PIGR: variants seen among roughly 807,000 people sequenced by gnomAD.
PIGR encodes hepatocellular carcinoma associated protein TB6.
In PIGR, 22 loss-of-function variants were observed where a neutral mutation model predicts 69.5. The observed-to-expected ratio is 0.32, with a 90% CI of 0.23 to 0.45. PIGR has a LOEUF of 0.45. PIGR is among the 20% of genes least tolerant of loss of function. The pLI is 1.00. For synonymous variants in PIGR, 413 were observed against 407.6 expected (o/e 1.01, Z -0.16); for missense variants, 885 against 974.0 (o/e 0.91, Z 1.22).
chr1:206,934,854 T>G (rs1657228659), intron 5 of PIGR, 108 bp from the exon 6 acceptor site: 1 of 628,962 alleles, frequency 1.6e-6, no homozygotes, highest in Admixed American at 3.6e-5. Context: ...TACATATATA[T>G]ATATATTTTT....
intron 4 of PIGR, 147 bp downstream of exon 4, chr1:206,936,948 C>T (rs1287303907): frequency 1.2e-5 from 9 of 742,472 alleles, no homozygotes; most frequent in East Asian, 8.6e-5. Context: ...GTGCAGCAGC[C>T]CACGCAGCCT....
chr1:206,930,662 G>A lies in PIGR; in HGVS notation c.2200-249C>T, dbSNP rs1679721498. On this transcript the variant is annotated intron_variant, in intron 10 of 10. Transcript: ENST00000356495. This position sits in a 1 kb window ranked among gnomAD's most constrained non-coding sequence, Gnocchi z 4.3. Reference sequence around the variant, plus strand: ...TCCTTCTGACACACGGAGTGGAACCGCCTCTGTTGCCCGGGCCTGTCCCCG... The same window carrying A: ...TCCTTCTGACACACGGAGTGGAACCACCTCTGTTGCCCGGGCCTGTCCCCG... 3.0e-6 allele frequency: 3 copies of A among 985,348 alleles called. No individual in the cohort carries two copies. The highest frequency in any genetic ancestry group is 1.1e-4 in the East Asian group (1 of 8,814). The allele number at this position is 985,348 out of a possible 1,614,324, so 61.0% of individuals were successfully genotyped here. A position where few individuals can be genotyped will look rare whatever the true frequency, so the allele number is the denominator to read the frequency against.
Position 206,930,983 on chromosome 1 carries a change from G to T in PIGR, c.2199+514C>A, listed in dbSNP as rs1350036249. On this transcript the variant is annotated intron_variant, in intron 10 of 10. Coordinates refer to ENST00000356495, the MANE Select transcript of PIGR (RefSeq NM_002644.4). This position sits in a 1 kb window ranked among gnomAD's most constrained non-coding sequence, Gnocchi z 4.3. Reference sequence around the variant, plus strand: ...AGTCCTAGGGCAGATTGAGGGGATGGTATATGGCACCCAAGGCAGGAGTTG... The same window carrying T: ...AGTCCTAGGGCAGATTGAGGGGATGTTATATGGCACCCAAGGCAGGAGTTG... 4 of 985,318 alleles carry T rather than the reference G, an allele frequency of 4.1e-6. No homozygotes were observed. The highest frequency in any genetic ancestry group is 1.7e-5 in the African/African-American group (1 of 57,232). The allele number at this position is 985,318 out of a possible 1,614,324, so 61.0% of individuals were successfully genotyped here. A position where few individuals can be genotyped will look rare whatever the true frequency, so the allele number is the denominator to read the frequency against.
chr1:206,936,090 A>G (rs1422398211), intron 4 of PIGR, among the ~76,000 whole-genome samples: 1 of 152,200 alleles, frequency 6.6e-6, no homozygotes, highest in East Asian at 1.9e-4. Context: ...AGAGAATGGA[A>G]GGAGTTGAAG....
At chr1:206,944,127 G>A (rs1049273092) in intron 1 of PIGR, among the ~76,000 whole-genome samples, 15 of 152,224 alleles carry the variant, frequency 9.9e-5, no homozygotes, top group African/African-American at 3.4e-4. Context: ...AGCGAACTGA[G>A]AATTTGTTCA....
chr1:206,939,078 TCTAA>T, intron 3 of PIGR, 37 bp downstream of exon 3: 1 of 1,533,126 alleles, frequency 6.5e-7, no homozygotes, highest in South Asian at 1.2e-5. Flanking sequence ...GAGAATTCCC[TCTAA>T]CTTTCCCCCA....
intron 1 of PIGR, among the ~76,000 whole-genome samples, chr1:206,944,198 G>C (rs2102605145): frequency 6.6e-6 from 1 of 152,364 alleles, no homozygotes; most frequent in Admixed American, 6.5e-5. Context: ...CCTGGGGCCG[G>C]GCGTAGTGGC....
Position 206,937,483 on chromosome 1 carries a change from G to C in PIGR, c.657C>G (p.Leu219=). 3 of 1,614,224 alleles carry C rather than the reference G, an allele frequency of 1.9e-6. No individual in the cohort carries two copies. The highest frequency in any genetic ancestry group is 2.5e-6 in the Non-Finnish European group (3 of 1,180,048). ...QLRLSDAGQY[L]CQAGDDSNSN... ...TATTGGAATCATCCCCAGCCTGGCA[G>C]AGATACTGCCCAGCATCGCTGAGCC... The change falls in exon 4 of 11, where the codon CTC becomes CTG. Residue 219 remains leucine (L), a synonymous_variant. Transcript: ENST00000356495.
chr1:206,936,228 A>G (rs1165264215), intron 4 of PIGR, among the ~76,000 whole-genome samples: 1 of 152,200 alleles, frequency 6.6e-6, no homozygotes, highest in East Asian at 1.9e-4. Context: ...TCAAGAAAAT[A>G]TATTTAGGAT....
rs781183714 is a variant in PIGR, at chr1:206,931,530, G to T, written c.2166C>A (p.Thr722=). ...KEEFVATTES[T]TETKEPKKAK... Reference sequence around the variant, plus strand: ...CCTTCTTGGGTTCTTTGGTCTCTGTGGTGCTCTCAGTGGTGGCAACAAACT... The same window carrying T: ...CCTTCTTGGGTTCTTTGGTCTCTGTTGTGCTCTCAGTGGTGGCAACAAACT... The change falls in exon 10 of 11, where the codon ACC becomes ACA. Residue 722 remains threonine (T), a synonymous_variant. Coordinates refer to ENST00000356495, the MANE Select transcript of PIGR (RefSeq NM_002644.4). 8 of 1,614,036 alleles carry T rather than the reference G, an allele frequency of 5.0e-6. No homozygotes were observed. Among genetic ancestry groups the T allele is most frequent in the South Asian group, 1.1e-5 (1 of 91,074 alleles).
chr1:206,942,697 C>A (rs1314287046), intron 1 of PIGR, among the ~76,000 whole-genome samples: 2 of 152,220 alleles, frequency 1.3e-5, no homozygotes, highest in Non-Finnish European at 2.9e-5. Context: ...AAGGTGAAGA[C>A]CACCCTGACC....
chr1:206,939,362 G>A lies in PIGR; in HGVS notation c.145C>T (p.Arg49Trp), dbSNP rs373465414. 9.3e-6 allele frequency: 15 copies of A among 1,614,112 alleles called. No homozygotes were observed. Among genetic ancestry groups the A allele is most frequent in the African/African-American group, 2.7e-5 (2 of 74,932 alleles). ...TCYYPPTSVNRHTRKYWCRQG... is the reference protein window; with the variant it reads ...TCYYPPTSVNWHTRKYWCRQG... The stretch of plus-strand genomic sequence containing the variant: ...CGGCACCAGTACTTCCGGGTGTGCC[G>A]GTTGACAGAGGTGGGTGGGTAGTAG... The change falls in exon 3 of 11, where the codon CGG (arginine) becomes TGG (tryptophan). Residue 49 changes from arginine (R) to tryptophan (W), a missense_variant. Physicochemically the swap from Arg to Trp is moderately radical, Grantham distance 101. Coordinates refer to ENST00000356495, the MANE Select transcript of PIGR (RefSeq NM_002644.4).
At chr1:206,938,964 C>T (rs1679927265) in intron 3 of PIGR, among the ~76,000 whole-genome samples, 155 bp downstream of exon 3, 2 of 152,206 alleles carry the variant, frequency 1.3e-5, no homozygotes, top group African/African-American at 2.4e-5. Context: ...GTCTCCTTCT[C>T]CTGTTAAAGA....
At position 206,934,589 on chromosome 1, in the gene PIGR, G is replaced by A; in HGVS notation, c.1536C>T (p.Gly512=). The part of the protein sequence containing the change: ...GCQALPSQDE[G]PSKAFVNCDE... Reference sequence around the variant, plus strand: ...CACAGTTCACGAAGGCCTTGCTGGGGCCTTCGTCTTGGCTGGGCAGGGCCT... The same window carrying A: ...CACAGTTCACGAAGGCCTTGCTGGGACCTTCGTCTTGGCTGGGCAGGGCCT... Residue 512 remains glycine (G), a synonymous_variant, in exon 6 of 11, where the codon GGC becomes GGT. Transcript: ENST00000356495. 6.2e-7 allele frequency: 1 copy of A among 1,614,222 alleles called. No homozygotes were observed. Among genetic ancestry groups the A allele is most frequent in the Non-Finnish European group, 8.5e-7 (1 of 1,180,044 alleles).
In PIGR at chr1:206,930,333, G is replaced by C. The variant is rs750332919; in HGVS notation, c.2280C>G (p.Gly760=). The C allele has an allele frequency of 6.2e-7, 1 of 1,611,250 alleles. No homozygotes were observed. The highest frequency in any genetic ancestry group is 1.3e-5 in the African/African-American group (1 of 74,800). The change falls in exon 11 of 11, where the codon GGC becomes GGG. Residue 760 remains glycine, a synonymous_variant. Coordinates refer to ENST00000356495, the MANE Select transcript of PIGR (RefSeq NM_002644.4). This position sits in a 1 kb window ranked among gnomAD's most constrained non-coding sequence, Gnocchi z 4.3. ...GCGACACCGTCTAGGCTTCCTGGGG[G>C]CCGTCCTGGGCCTCGGCGGCCACGG... The part of the protein sequence containing the change: ...SSTVAAEAQD[G]PQEA
intron 1 of PIGR, among the ~76,000 whole-genome samples, chr1:206,941,221 G>A (rs913693917): frequency 2.6e-5 from 4 of 152,132 alleles, no homozygotes; most frequent in Non-Finnish European, 5.9e-5. Flanking sequence ...AGGAAATGAA[G>A]GCTTCAAGGT....
At chr1:206,938,411 A>C (rs986000291) in intron 3 of PIGR, among the ~76,000 whole-genome samples, 3 of 152,216 alleles carry the variant, frequency 2.0e-5, no homozygotes, top group African/African-American at 7.2e-5. Flanking sequence ...GTCCACAGAC[A>C]ATAGTATGCA....
intron 4 of PIGR, among the ~76,000 whole-genome samples, chr1:206,936,590 A>C (rs1365612247): frequency 6.6e-6 from 1 of 152,204 alleles, no homozygotes; most frequent in African/African-American, 2.4e-5. Flanking sequence ...AGTAGGGCTG[A>C]GTGGGCCAGA....
chr1:206,937,087 G>A lies in PIGR; in HGVS notation c.1045+8C>T. ...CCACCTACTCCCCCTCCCTCTCTAG[G>A]GTCTTACCCTCATTGACGAAGAGTT... On this transcript the variant is annotated splice_region_variant and intron_variant, in intron 4 of 10. Transcript: ENST00000356495. 1.3e-6 allele frequency: 2 copies of A among 1,567,608 alleles called. No homozygotes were observed. The highest frequency in any genetic ancestry group is 2.2e-5 in the East Asian group (1 of 44,482).
Sources: allele counts gnomAD v4.1 joint callset (sites outside exome capture counted in the v4.1 genomes callset), GRCh38; gene constraint gnomAD v4.1.1; non-coding constraint Gnocchi (gnomAD v3.1); transcripts MANE v1.5; gene names NCBI Gene and HGNC (gene_info 2026-07-23, HGNC 2026-07-21).